The following ARPC5L variants were observed in gnomAD, a reference collection of about 807,000 sequenced individuals.
ARPC5L encodes actin-related protein 2/3 complex subunit 5-like protein.
ARPC5L carries 4 observed loss-of-function variants against 16.9 expected under a neutral mutation model. The observed-to-expected ratio is 0.24, with a 90% CI of 0.12 to 0.54. The LOEUF (loss-of-function observed/expected upper bound fraction) is 0.54, where lower values mean the gene tolerates loss of function less well. ARPC5L is among the 20% of genes least tolerant of loss of function. ARPC5L has a pLI of 0.95. For missense variants in ARPC5L, 151 were observed against 201.9 expected, an observed-to-expected ratio of 0.75 and a Z score of 1.53; for synonymous variants, 78 against 82.6, an observed-to-expected ratio of 0.94 and a Z score of 0.30.
At chr9:124,867,838 T>G (rs62583382) in intron 2 of ARPC5L, among the ~76,000 whole-genome samples, 1 of 150,796 alleles carries the variant, frequency 6.6e-6, no homozygotes, top group Non-Finnish European at 1.5e-5. Context: ...AGACGGAGTT[T>G]TGCTCTTGTC....
chr9:124,863,836 T>C (rs1404321600), intron 1 of ARPC5L, among the ~76,000 whole-genome samples, 152 bp from the exon 2 acceptor site: 1 of 152,218 alleles, frequency 6.6e-6, no homozygotes, highest in Non-Finnish European at 1.5e-5. Context: ...AGAGTTATGG[T>C]TGAAGCCAGA....
intron 3 of ARPC5L, 142 bp from the exon 4 acceptor site, chr9:124,873,550 C>G: frequency 1.1e-6 from 1 of 899,686 alleles, no homozygotes; most frequent in Non-Finnish European, 1.8e-6. Context: ...TAAACCGTCT[C>G]TGCCCCCCTG....
intron 2 of ARPC5L, among the ~76,000 whole-genome samples, chr9:124,864,481 C>T (rs1829244385): frequency 6.6e-6 from 1 of 152,156 alleles, no homozygotes; most frequent in Non-Finnish European, 1.5e-5. Flanking sequence ...CCTGCCTCAG[C>T]CTCCCGAGGA....
chr9:124,869,996 C>T lies in ARPC5L; in HGVS notation c.149+557C>T, dbSNP rs146268838. 2.5e-3 allele frequency among the ~76,000 whole-genome samples: 377 copies of T among 152,330 alleles called. 2 individuals carry two copies. The highest frequency in any genetic ancestry group is 8.7e-3 in the African/African-American group (361 of 41,580). On this transcript the variant is annotated intron_variant, in intron 3 of 5. Coordinates refer to ENST00000353214, the MANE Select transcript of ARPC5L (RefSeq NM_030978.3). The stretch of plus-strand genomic sequence containing the variant: ...TGGAGGCGGCCGCCGTATTTCAGCC[C>T]TGGGGTCTGAGATTGTGTCTCTCTT...
At position 124,869,195 on chromosome 9, in the gene ARPC5L, G is replaced by T; in HGVS notation, c.-96G>T. On this transcript the variant is annotated 5_prime_UTR_variant, in exon 3 of 6. Coordinates refer to ENST00000353214, the MANE Select transcript of ARPC5L (RefSeq NM_030978.3). The stretch of plus-strand genomic sequence containing the variant: ...AGGAGGTGCTGGGAGCAGCCGGGCA[G>T]CCGCTTCCCGCCCCCGAGCAGGAGC... 1 of 1,308,282 alleles carries T rather than the reference G, an allele frequency of 7.6e-7. No homozygotes were observed. Among genetic ancestry groups the T allele is most frequent in the Non-Finnish European group, 9.9e-7 (1 of 1,014,886 alleles). The allele number at this position is 1,308,282 out of a possible 1,614,324, so 81.0% of individuals were successfully genotyped here. A position where few individuals can be genotyped will look rare whatever the true frequency, so the allele number is the denominator to read the frequency against.
intron 2 of ARPC5L, 97 bp downstream of exon 2, chr9:124,864,204 G>C (rs868455451): frequency 3.3e-5 from 3 of 90,954 alleles, no homozygotes; most frequent in African/African-American, 7.6e-5. Context: ...TTTTTTTTTT[G>C]AAATGGAGTC....
chr9:124,873,716 T>G lies in ARPC5L; in HGVS notation c.174T>G (p.His58Gln), dbSNP rs765949936. Reference sequence around the variant, plus strand: ...CAGGGGACATGCTTCGGGCATTCCATGCAGCCTTGCGGAACTCTCCCGTCA... The same window carrying G: ...CAGGGGACATGCTTCGGGCATTCCAGGCAGCCTTGCGGAACTCTCCCGTCA... ...LRQGDMLRAF[H>Q]AALRNSPVNT... The change falls in exon 4 of 6, where the codon CAT (histidine) becomes CAG (glutamine). Residue 58 changes from histidine (H) to glutamine (Q), a missense_variant. Physicochemically the swap from His to Gln is conservative, Grantham distance 24. Coordinates refer to ENST00000353214, the MANE Select transcript of ARPC5L (RefSeq NM_030978.3). 1.2e-6 allele frequency: 2 copies of G among 1,614,230 alleles called. No individual in the cohort carries two copies. The highest frequency in any genetic ancestry group is 1.7e-6 in the Non-Finnish European group (2 of 1,180,036).
Position 124,868,044 on chromosome 9 carries a change from G to A in ARPC5L, c.-863-384G>A, listed in dbSNP as rs186630273. ...GGCTGGTCTCAAACTTCTGACCTCA[G>A]GTGATCCGCCCACCTCGGCTCCCAA... is the stretch of plus-strand genomic sequence containing the variant. On this transcript the variant is annotated intron_variant, in intron 2 of 5. Coordinates refer to ENST00000353214, the MANE Select transcript of ARPC5L (RefSeq NM_030978.3). Among the ~76,000 whole-genome samples the A allele has an allele frequency of 3.3e-3, 500 of 152,162 alleles. 3 individuals carry two copies. The highest frequency in any genetic ancestry group is 6.8e-3 in the Middle Eastern group (2 of 294).
chr9:124,864,163 G>C (rs1237856660), intron 2 of ARPC5L, 56 bp downstream of exon 2: 1 of 151,928 alleles, frequency 6.6e-6, no homozygotes, highest in Non-Finnish European at 1.5e-5. Flanking sequence ...AGTAGAGAGA[G>C]GGCAATCCCG....
rs969692068 is a variant in ARPC5L at position 124,877,705 on chromosome 9, TAATA to T, written c.*768_*771del. ...AATTTTGGAGCTTATTTAATTAATT[TAATA>T]AAGTGCCAAACATTTAATAATTGAT... On this transcript the variant is annotated 3_prime_UTR_variant, in exon 6 of 6. Coordinates refer to ENST00000353214, the MANE Select transcript of ARPC5L (RefSeq NM_030978.3). 3 of 151,514 alleles carry T rather than the reference TAATA, an allele frequency of 2.0e-5. No homozygotes were observed. Among genetic ancestry groups the T allele is most frequent in the Non-Finnish European group, 2.9e-5 (2 of 67,996 alleles). 9.4% of individuals were successfully genotyped at this position (151,514 alleles called of 1,614,324 possible). A position where few individuals can be genotyped will look rare whatever the true frequency, so the allele number is the denominator to read the frequency against.
rs760200569 is a variant in ARPC5L at position 124,876,968 on chromosome 9, GAGA to G, written c.*33_*35del. ...AAAATAAAAAGACTCATGTTACCTT[GAGA>G]AGAATTCTGGATGCCCAGGCTGGTG... On this transcript the variant is annotated 3_prime_UTR_variant, in exon 6 of 6. Coordinates refer to ENST00000353214, the MANE Select transcript of ARPC5L (RefSeq NM_030978.3). 3.3e-5 allele frequency: 53 copies of G among 1,585,894 alleles called. No individual in the cohort carries two copies. The highest frequency in any genetic ancestry group is 4.4e-5 in the Non-Finnish European group (51 of 1,162,732).
intron 3 of ARPC5L, among the ~76,000 whole-genome samples, chr9:124,870,412 GCAC>G (rs1413832568): frequency 6.6e-6 from 1 of 151,904 alleles, no homozygotes; most frequent in Non-Finnish European, 1.5e-5. Context: ...CCCTCCCCCC[GCAC>G]GGGTGGGGGC....
intron 3 of ARPC5L, among the ~76,000 whole-genome samples, chr9:124,871,266 G>T (rs1044817245): frequency 6.6e-6 from 1 of 152,174 alleles, no homozygotes; most frequent in Admixed American, 6.5e-5. Flanking sequence ...GTGCATCTGC[G>T]CACACCCTGC....
At chr9:124,865,545 T>A (rs1383871532) in intron 2 of ARPC5L, among the ~76,000 whole-genome samples, 2 of 152,004 alleles carry the variant, frequency 1.3e-5, no homozygotes, top group Non-Finnish European at 2.9e-5. Flanking sequence ...ATCCTAGCAC[T>A]TTGGGAGGCC....
At chr9:124,867,141 CTTTT>C (rs779385412) in intron 2 of ARPC5L, among the ~76,000 whole-genome samples, 101 of 137,910 alleles carry the variant, frequency 7.3e-4, no homozygotes, top group Middle Eastern at 3.7e-3. Context: ...TCAGGGACAC[CTTTT>C]TTTTTTTTTT....
rs771650589 is a variant in ARPC5L, at chr9:124,875,125, G to A, written c.373G>A (p.Ala125Thr). The change falls in exon 5 of 6, where the codon GCA (alanine) becomes ACA (threonine). Residue 125 changes from alanine (A) to threonine (T), a missense_variant. Transcript: ENST00000353214. ...TGAGAAGCCCACAGAAAATAGCAGC[G>A]CAGTGTTACTCCAGTGGCACGAAAA... ...GFEKPTENSSAVLLQWHEKAL... is the reference protein window; with the variant it reads ...GFEKPTENSSTVLLQWHEKAL... 3.1e-6 allele frequency: 5 copies of A among 1,614,080 alleles called. No individual in the cohort carries two copies. The highest frequency in any genetic ancestry group is 1.7e-5 in the Admixed American group (1 of 60,020).
chr9:124,863,072 G>A (rs974731048), intron 1 of ARPC5L, among the ~76,000 whole-genome samples: 1 of 150,372 alleles, frequency 6.7e-6, no homozygotes, highest in Non-Finnish European at 1.5e-5. Flanking sequence ...CAAGCAATCC[G>A]CCCTCCTCGG....
Position 124,869,290 on chromosome 9 carries a change from C to A in ARPC5L, c.-1C>A. On this transcript the variant is annotated 5_prime_UTR_variant, in exon 3 of 6. Coordinates refer to ENST00000353214, the MANE Select transcript of ARPC5L (RefSeq NM_030978.3). ...GGCTGAGCGGGCGCCGAGCTCCCGC[C>A]ATGGCCCGGAACACGCTGTCCTCGC... is the stretch of plus-strand genomic sequence containing the variant. 1 of 1,520,912 alleles carries A rather than the reference C, an allele frequency of 6.6e-7. No individual in the cohort carries two copies. The highest frequency in any genetic ancestry group is 8.8e-7 in the Non-Finnish European group (1 of 1,134,754). 94.2% of individuals were successfully genotyped at this position (1,520,912 alleles called of 1,614,324 possible).
chr9:124,870,334 G>T (rs1384907914), intron 3 of ARPC5L, among the ~76,000 whole-genome samples: 1 of 152,166 alleles, frequency 6.6e-6, no homozygotes, highest in Non-Finnish European at 1.5e-5. Context: ...CAGTATGAGC[G>T]CAGGAAACTG....
Sources: allele counts gnomAD v4.1 joint callset (sites outside exome capture counted in the v4.1 genomes callset), GRCh38; gene constraint gnomAD v4.1.1; transcripts MANE v1.5; gene names NCBI Gene and HGNC (gene_info 2026-07-23, HGNC 2026-07-21).